Variants in ARIH1 observed in about 807,000 individuals in gnomAD.
The protein encoded by ARIH1 is E3 ubiquitin-protein ligase ARIH1.
In ARIH1, 8 loss-of-function variants were observed where a neutral mutation model predicts 85.0. The observed-to-expected ratio is 0.09, with a 90% CI of 0.06 to 0.17. The LOEUF is 0.17. Among genes scored for constraint, ARIH1 ranks in the 10% least tolerant of loss-of-function variants. ARIH1 has a pLI of 1.00. For missense variants in ARIH1, 311 were observed against 718.1 expected, an observed-to-expected ratio of 0.43 and a Z score of 6.48; for synonymous variants, 238 against 253.6, an observed-to-expected ratio of 0.94 and a Z score of 0.59.
chr15:72,507,021 T>C (rs1366364716), intron 1 of ARIH1, among the ~76,000 whole-genome samples: 1 of 147,574 alleles, frequency 6.8e-6, no homozygotes, highest in South Asian at 2.1e-4. Context: ...TGTATGTATG[T>C]ATTTATTTAT....
intron 1 of ARIH1, among the ~76,000 whole-genome samples, chr15:72,492,890 G>T (rs1273385401): frequency 3.3e-5 from 5 of 152,142 alleles, no homozygotes; most frequent in Non-Finnish European, 7.4e-5. Context: ...AATATTTGAA[G>T]ATTTAAGGAT....
chr15:72,520,082 T>A (rs1423483745), intron 2 of ARIH1, among the ~76,000 whole-genome samples: 1 of 152,194 alleles, frequency 6.6e-6, no homozygotes, highest in Non-Finnish European at 1.5e-5. Context: ...ATGGGAACTG[T>A]AGCTTCTGCT....
chr15:72,530,346 G>GGTA, intron 2 of ARIH1, among the ~76,000 whole-genome samples: 1 of 152,324 alleles, frequency 6.6e-6, no homozygotes, highest in East Asian at 1.9e-4. Flanking sequence ...ATCCAGAAGA[G>GGTA]GTAGCTAAGA....
At chr15:72,565,174 G>A (rs1405947263) in intron 7 of ARIH1, among the ~76,000 whole-genome samples, 1 of 152,142 alleles carries the variant, frequency 6.6e-6, no homozygotes, top group African/African-American at 2.4e-5. Context: ...TGATTCTTGT[G>A]CCTCTTGAGT....
At chr15:72,565,924 C>G (rs2064218172) in intron 7 of ARIH1, among the ~76,000 whole-genome samples, 1 of 152,158 alleles carries the variant, frequency 6.6e-6, no homozygotes. Flanking sequence ...GCTAATTAAT[C>G]TGTCATTTTA....
intron 9 of ARIH1, among the ~76,000 whole-genome samples, chr15:72,569,380 G>A (rs1247368014): frequency 1.3e-5 from 2 of 152,148 alleles, no homozygotes; most frequent in South Asian, 2.1e-4. Context: ...TTGTTAAGGA[G>A]TACAATGAAA....
Position 72,572,250 on chromosome 15 carries a change from T to G in ARIH1, c.1215+85T>G, listed in dbSNP as rs759464308. The G allele has an allele frequency of 7.9e-5, 88 of 1,110,984 alleles. No homozygotes were observed. In the East Asian group the frequency reaches 1.7e-3, roughly 22 times the overall value. 68.8% of individuals were successfully genotyped at this position (1,110,984 alleles called of 1,614,324 possible). A position where few individuals can be genotyped will look rare whatever the true frequency, so the allele number is the denominator to read the frequency against. On this transcript the variant is annotated intron_variant, in intron 11 of 13. Coordinates refer to ENST00000379887, the MANE Select transcript of ARIH1 (RefSeq NM_005744.5). ...CATTAGAGAATAATTTTTTTTTTTT[T>G]TTTTTGAGACAGTGTCTCGCTTTGT...
chr15:72,582,192 T>A lies in ARIH1; in HGVS notation c.1589+5T>A, dbSNP rs1289506816. 1 of 1,531,896 alleles carries A rather than the reference T, an allele frequency of 6.5e-7. No homozygotes were observed. Among genetic ancestry groups the A allele is most frequent in the Non-Finnish European group, 8.9e-7 (1 of 1,121,118 alleles). 94.9% of individuals were successfully genotyped at this position (1,531,896 alleles called of 1,614,324 possible). A position where few individuals can be genotyped will look rare whatever the true frequency, so the allele number is the denominator to read the frequency against. Reference sequence around the variant, plus strand: ...GAAAGTACAAGACAAGTACAGGTAATTTTTTTTTAAGCTGTTGAATAAAAC... The same window carrying A: ...GAAAGTACAAGACAAGTACAGGTAAATTTTTTTTAAGCTGTTGAATAAAAC... On this transcript the variant is annotated splice_donor_5th_base_variant and intron_variant, in intron 13 of 13. Coordinates refer to ENST00000379887, the MANE Select transcript of ARIH1 (RefSeq NM_005744.5). This position sits in a 1 kb window ranked among gnomAD's most constrained non-coding sequence, Gnocchi z 4.6.
intron 1 of ARIH1, among the ~76,000 whole-genome samples, chr15:72,482,181 A>G (rs954498479): frequency 6.6e-6 from 1 of 152,144 alleles, no homozygotes; most frequent in African/African-American, 2.4e-5. Context: ...CTGACATTCT[A>G]GATTGGAGTT....
In ARIH1 at chr15:72,590,938, C is replaced by G. The variant is rs2064340223; in HGVS notation, c.*7646C>G. 6.6e-6 allele frequency: 1 copy of G among 152,008 alleles called. No individual in the cohort carries two copies. The highest frequency in any genetic ancestry group is 2.1e-4 in the South Asian group (1 of 4,814). The allele number at this position is 152,008 out of a possible 1,614,324, so 9.4% of individuals were successfully genotyped here. A position where few individuals can be genotyped will look rare whatever the true frequency, so the allele number is the denominator to read the frequency against. On this transcript the variant is annotated 3_prime_UTR_variant, in exon 14 of 14. Transcript: ENST00000379887. ...GGAGGGTGCTCATAGAAATATAAAA[C>G]AAGGCTGGGCATGGCGGCTTACACC...
At chr15:72,531,482 G>A (rs2064056525) in intron 2 of ARIH1, among the ~76,000 whole-genome samples, 1 of 152,040 alleles carries the variant, frequency 6.6e-6, no homozygotes, top group Non-Finnish European at 1.5e-5. Flanking sequence ...TGGCCAGGCT[G>A]GTCTCGAACT....
intron 2 of ARIH1, among the ~76,000 whole-genome samples, chr15:72,540,258 C>CAA (rs10615863): frequency 7.5e-4 from 61 of 81,312 alleles, no homozygotes; most frequent in African/African-American, 2.6e-3. Context: ...GACTTTGTCT[C>CAA]AAAAAAAAAA....
chr15:72,512,344 TGTCTTCTTTA>T (rs1011318290), intron 1 of ARIH1, among the ~76,000 whole-genome samples: 2 of 152,242 alleles, frequency 1.3e-5, no homozygotes, highest in African/African-American at 4.8e-5. Context: ...ATTCGTGTTG[TGTCTTCTTTA>T]GTGAGGTTTA....
chr15:72,491,349 A>G, intron 1 of ARIH1, among the ~76,000 whole-genome samples: 1 of 150,310 alleles, frequency 6.7e-6, no homozygotes, highest in Non-Finnish European at 1.5e-5. Context: ...CCCACTGTAA[A>G]TATTGTTTCT....
At chr15:72,483,711 A>G (rs941054341) in intron 1 of ARIH1, among the ~76,000 whole-genome samples, 1 of 152,232 alleles carries the variant, frequency 6.6e-6, no homozygotes, top group Non-Finnish European at 1.5e-5. Flanking sequence ...TGTAAATGAT[A>G]AACATTCCTA....
Position 72,600,321 on chromosome 15 carries a change from AAGAT to A in ARIH1, c.*17030_*17033del, listed in dbSNP as rs1247943810. 1 of 152,220 alleles carries A rather than the reference AAGAT, an allele frequency of 6.6e-6. No homozygotes were observed. The highest frequency in any genetic ancestry group is 1.5e-5 in the Non-Finnish European group (1 of 68,038). 9.4% of individuals were successfully genotyped at this position (152,220 alleles called of 1,614,324 possible). A position where few individuals can be genotyped will look rare whatever the true frequency, so the allele number is the denominator to read the frequency against. Reference sequence around the variant, plus strand: ...TTGAGGAGATTTGCTAAGGGAAATGAAGATCCATCTGTGACACAAGAAACATGTT... The same window carrying A: ...TTGAGGAGATTTGCTAAGGGAAATGACCATCTGTGACACAAGAAACATGTT... On this transcript the variant is annotated 3_prime_UTR_variant, in exon 14 of 14. Coordinates refer to ENST00000379887, the MANE Select transcript of ARIH1 (RefSeq NM_005744.5).
In ARIH1 at chr15:72,590,406, G is replaced by A. The variant is rs2064338133; in HGVS notation, c.*7114G>A. ...TCTCTTCAAAACAGATGCCTCTTTC[G>A]TTGGTGACCTCAGATACACTGTTCA... On this transcript the variant is annotated 3_prime_UTR_variant, in exon 14 of 14. Coordinates refer to ENST00000379887, the MANE Select transcript of ARIH1 (RefSeq NM_005744.5). 5 of 152,196 alleles carry A rather than the reference G, an allele frequency of 3.3e-5. No homozygotes were observed. The South Asian group carries it at 8.3e-4, about 25-fold the overall frequency. 9.4% of individuals were successfully genotyped at this position (152,196 alleles called of 1,614,324 possible).
In ARIH1 at chr15:72,602,215, T is replaced by G. The variant is rs1016208064; in HGVS notation, c.*18923T>G. ...GAATTGAAATAATTCAGTTAAAGAT[T>G]ATGTGCATTTTTAATTTTGGTAGTT... On this transcript the variant is annotated 3_prime_UTR_variant, in exon 14 of 14. Transcript: ENST00000379887. 1.3e-5 allele frequency: 2 copies of G among 152,234 alleles called. No homozygotes were observed. Among genetic ancestry groups the G allele is most frequent in the Non-Finnish European group, 2.9e-5 (2 of 68,032 alleles). 9.4% of individuals were successfully genotyped at this position (152,234 alleles called of 1,614,324 possible).
chr15:72,532,641 C>A (rs905194349), intron 2 of ARIH1, among the ~76,000 whole-genome samples: 26 of 152,022 alleles, frequency 1.7e-4, no homozygotes, highest in African/African-American at 5.8e-4. Context: ...TACAAAAAAA[C>A]CATACATACA....
Sources: allele counts gnomAD v4.1 joint callset (sites outside exome capture counted in the v4.1 genomes callset), GRCh38; gene constraint gnomAD v4.1.1; non-coding constraint Gnocchi (gnomAD v3.1); transcripts MANE v1.5; gene names NCBI Gene and HGNC (gene_info 2026-07-23, HGNC 2026-07-21).